VGLL3: variants seen among roughly 807,000 people sequenced by gnomAD.
The protein encoded by VGLL3 is transcription cofactor vestigial-like protein 3.
Under a neutral mutation model 29.2 loss-of-function variants are expected in VGLL3, and 18 were observed. The observed-to-expected ratio is 0.62, with a 90% confidence interval of 0.43 to 0.91. The LOEUF (loss-of-function observed/expected upper bound fraction) is 0.91. Among genes scored for constraint, VGLL3 ranks in the 40% least tolerant of loss-of-function variants. The pLI is 0.00. For synonymous variants in VGLL3, 180 were observed against 151.8 expected, an observed-to-expected ratio of 1.19 and a Z score of -1.36; for missense variants, 440 against 413.2, an observed-to-expected ratio of 1.06 and a Z score of -0.56.
chr3:86,974,199 C>A (rs1213020574), intron 2 of VGLL3, among the ~76,000 whole-genome samples: 4 of 151,668 alleles, frequency 2.6e-5, no homozygotes, highest in African/African-American at 7.3e-5. Context: ...CTCACTGCAA[C>A]CTCCACCTCC....
intron 3 of VGLL3, among the ~76,000 whole-genome samples, chr3:86,947,767 A>G (rs1245631125): frequency 6.6e-6 from 1 of 152,168 alleles, no homozygotes; most frequent in Non-Finnish European, 1.5e-5. Context: ...AAAGGAAGGT[A>G]TACATTGATT....
chr3:86,990,840 G>C lies in VGLL3; in HGVS notation c.-97C>G. 8.5e-7 allele frequency: 1 copy of C among 1,179,154 alleles called. No homozygotes were observed. The highest frequency in any genetic ancestry group is 1.1e-6 in the Non-Finnish European group (1 of 947,054). 73.0% of individuals were successfully genotyped at this position (1,179,154 alleles called of 1,614,324 possible). ...CGCCGCCGCCGCAGCTGCCGCCTCT[G>C]TCGCTGCTCCAGCTGCTACTGCGGC... On this transcript the variant is annotated 5_prime_UTR_variant, in exon 1 of 4. Transcript: ENST00000398399.
Position 86,990,823 on chromosome 3 carries a change from C to G in VGLL3, c.-80G>C. On this transcript the variant is annotated 5_prime_UTR_variant, in exon 1 of 4. Coordinates refer to ENST00000398399, the MANE Select transcript of VGLL3 (RefSeq NM_016206.4). ...GCGAGGGGCGCGGGCGCCGCCGCCG[C>G]CGCAGCTGCCGCCTCTGTCGCTGCT... is the stretch of plus-strand genomic sequence containing the variant. The G allele has an allele frequency of 1.7e-6, 2 of 1,193,640 alleles. No individual in the cohort carries two copies. The highest frequency in any genetic ancestry group is 8.3e-5 in the South Asian group (2 of 24,012). The allele number at this position is 1,193,640 out of a possible 1,614,324, so 73.9% of individuals were successfully genotyped here. A position where few individuals can be genotyped will look rare whatever the true frequency, so the allele number is the denominator to read the frequency against.
At chr3:86,983,069 T>C (rs1365607496) in intron 1 of VGLL3, among the ~76,000 whole-genome samples, 3 of 152,170 alleles carry the variant, frequency 2.0e-5, no homozygotes, top group African/African-American at 7.2e-5. Flanking sequence ...AGAGAAAGAC[T>C]TCCATGTCAG....
chr3:86,979,280 T>TAA (rs1322369918), intron 1 of VGLL3, among the ~76,000 whole-genome samples: 1 of 152,068 alleles, frequency 6.6e-6, no homozygotes, highest in Non-Finnish European at 1.5e-5. Flanking sequence ...TAAAATAAAC[T>TAA]AAAATAAAAA....
intron 3 of VGLL3, among the ~76,000 whole-genome samples, chr3:86,954,410 C>T (rs1216678500): frequency 4.6e-5 from 7 of 152,184 alleles, no homozygotes; most frequent in African/African-American, 1.7e-4. Context: ...CCACCTCCCT[C>T]CAAAAACCAC....
intron 1 of VGLL3, among the ~76,000 whole-genome samples, chr3:86,981,933 C>T (rs1402865739): frequency 1.3e-5 from 2 of 152,082 alleles, no homozygotes; most frequent in Non-Finnish European, 2.9e-5. Flanking sequence ...TCCAAATGGC[C>T]TGATAACTCA....
chr3:86,977,034 A>C (rs889637211), intron 2 of VGLL3, among the ~76,000 whole-genome samples: 1 of 152,194 alleles, frequency 6.6e-6, no homozygotes, highest in Non-Finnish European at 1.5e-5. Flanking sequence ...CCAAGGACTA[A>C]GTCTCAGTTC....
chr3:86,971,978 G>A (rs986733551), intron 2 of VGLL3, among the ~76,000 whole-genome samples: 10 of 152,086 alleles, frequency 6.6e-5, no homozygotes, highest in African/African-American at 2.4e-4. Flanking sequence ...CCACAAGTAC[G>A]TGCCAGAGAT....
At chr3:86,988,120 CACT>C (rs1160928439) in intron 1 of VGLL3, among the ~76,000 whole-genome samples, 1 of 152,184 alleles carries the variant, frequency 6.6e-6, no homozygotes, top group African/African-American at 2.4e-5. Flanking sequence ...TTGACAGATA[CACT>C]ACTACAATTG....
intron 1 of VGLL3, among the ~76,000 whole-genome samples, chr3:86,985,422 A>T (rs1326427070): frequency 6.6e-6 from 1 of 152,214 alleles, no homozygotes; most frequent in East Asian, 1.9e-4. Context: ...AGGAGAAATG[A>T]CACCTGTTGA....
chr3:86,949,015 G>T (rs565573821), intron 3 of VGLL3, among the ~76,000 whole-genome samples: 1 of 152,064 alleles, frequency 6.6e-6, no homozygotes, highest in African/African-American at 2.4e-5. Context: ...CTCATCCTCT[G>T]TATGACTCAG....
At chr3:86,980,306 C>T (rs1482027514) in intron 1 of VGLL3, among the ~76,000 whole-genome samples, 1 of 152,002 alleles carries the variant, frequency 6.6e-6, no homozygotes, top group African/African-American at 2.4e-5. Context: ...TATAAATGCA[C>T]CATTCAATAA....
chr3:86,957,273 T>C (rs2106981696), intron 3 of VGLL3, among the ~76,000 whole-genome samples: 1 of 152,302 alleles, frequency 6.6e-6, no homozygotes, highest in Middle Eastern at 3.4e-3. Flanking sequence ...AACACTACTA[T>C]CAGGAAACTT....
At chr3:86,948,978 T>C (rs186299372) in intron 3 of VGLL3, among the ~76,000 whole-genome samples, 77 of 152,296 alleles carry the variant, frequency 5.1e-4, no homozygotes, top group Admixed American at 8.5e-4. Flanking sequence ...GCTGACTATA[T>C]AAATATTTTT....
Position 86,990,625 on chromosome 3 carries a change from C to T in VGLL3, c.119G>A (p.Gly40Asp), listed in dbSNP as rs1487874208. 2.2e-6 allele frequency: 3 copies of T among 1,359,656 alleles called. No homozygotes were observed. The highest frequency in any genetic ancestry group is 2.9e-6 in the Non-Finnish European group (3 of 1,047,220). 84.2% of individuals were successfully genotyped at this position (1,359,656 alleles called of 1,614,324 possible). A position where few individuals can be genotyped will look rare whatever the true frequency, so the allele number is the denominator to read the frequency against. ...TAYYQPAPQP[G>D]QQKKLAVFSK... is the part of the protein sequence containing the mutation. The stretch of plus-strand genomic sequence containing the variant: ...GCCCGTCCGGTGACTCACCTGCTGG[C>T]CAGGTTGGGGCGCCGGCTGATAGTA... The change falls in exon 1 of 4, where the codon GGC (glycine) becomes GAC (aspartate). Residue 40 changes from glycine to aspartate, a missense_variant. Gly to Asp is a moderately conservative substitution (Grantham distance 94). Transcript: ENST00000398399.
chr3:86,973,729 CT>C (rs1309371307), intron 2 of VGLL3, among the ~76,000 whole-genome samples: 1 of 152,126 alleles, frequency 6.6e-6, no homozygotes, highest in African/African-American at 2.4e-5. Context: ...CCTCCTTTTC[CT>C]TTCTCCATTT....
At chr3:86,987,040 A>C (rs1286099598) in intron 1 of VGLL3, among the ~76,000 whole-genome samples, 1 of 152,214 alleles carries the variant, frequency 6.6e-6, no homozygotes. Flanking sequence ...AACATTAAAA[A>C]AATTTAAAAA....
At chr3:86,977,323 C>G (rs1337803596) in intron 2 of VGLL3, among the ~76,000 whole-genome samples, 2 of 151,944 alleles carry the variant, frequency 1.3e-5, no homozygotes, top group African/African-American at 2.4e-5. Context: ...AAGATCAGGC[C>G]CAGCAATTCC....
Sources: allele counts gnomAD v4.1 joint callset (sites outside exome capture counted in the v4.1 genomes callset), GRCh38; gene constraint gnomAD v4.1.1; transcripts MANE v1.5; gene names NCBI Gene and HGNC (gene_info 2026-07-23, HGNC 2026-07-21).